DSCAM: variants seen among roughly 807,000 people sequenced by gnomAD.
The protein encoded by DSCAM is cell adhesion molecule DSCAM.
In DSCAM, 47 loss-of-function variants were observed where a neutral mutation model predicts 217.7. The observed-to-expected ratio is 0.22, with a 90% CI of 0.17 to 0.28. The LOEUF (loss-of-function observed/expected upper bound fraction) is 0.28, where lower values mean the gene tolerates loss of function less well. Among genes scored for constraint, DSCAM ranks in the 10% least tolerant of loss-of-function variants. The probability of loss-of-function intolerance (pLI) is 1.00; values close to 1 mark genes in which losing one functional copy is unlikely to be tolerated. For missense variants in DSCAM, 2,080 were observed against 2,618.3 expected (o/e 0.79, Z 4.49); for synonymous variants, 1,056 against 1,015.3 (o/e 1.04, Z -0.76).
intron 11 of DSCAM, among the ~76,000 whole-genome samples, chr21:40,273,238 T>A (rs1324357685): frequency 6.6e-6 from 1 of 152,242 alleles, no homozygotes; most frequent in Non-Finnish European, 1.5e-5. Context: ...TGTTACCCTG[T>A]TTAATTTTCA....
intron 3 of DSCAM, among the ~76,000 whole-genome samples, chr21:40,648,099 G>A (rs75849032): frequency 0.38 from 57,834 of 151,842 alleles, 11,810 homozygotes; most frequent in East Asian, 0.6. Context: ...GCAAAATTTG[G>A]AAAAGTAAAA....
At chr21:40,678,888 C>A (rs1314565124) in intron 3 of DSCAM, among the ~76,000 whole-genome samples, 1 of 152,194 alleles carries the variant, frequency 6.6e-6, no homozygotes, top group Admixed American at 6.5e-5. Context: ...ATGTCAGCCT[C>A]GCCTTGACTT....
At position 40,463,402 on chromosome 21, in the gene DSCAM, G is replaced by A. The variant is rs573019837; in HGVS notation, c.509-94157C>T. ...AAATGCAAGCCTCACTGCTCATACC[G>A]AGACCACCCGGTATTGCACTGAATG... On this transcript the variant is annotated intron_variant, in intron 3 of 32. Transcript: ENST00000400454. 9.9e-5 allele frequency among the ~76,000 whole-genome samples: 15 copies of A among 151,964 alleles called. No individual in the cohort carries two copies. The East Asian group carries it at 2.1e-3, about 22-fold the overall frequency.
At chr21:40,559,984 G>A (rs911359198) in intron 3 of DSCAM, among the ~76,000 whole-genome samples, 8 of 151,916 alleles carry the variant, frequency 5.3e-5, no homozygotes, top group South Asian at 2.1e-4. Flanking sequence ...TAGTAGAGAC[G>A]GGGTTTCACC....
intron 1 of DSCAM, among the ~76,000 whole-genome samples, chr21:40,789,996 G>A (rs1350935359): frequency 2.6e-5 from 4 of 152,020 alleles, no homozygotes; most frequent in Non-Finnish European, 4.4e-5. Flanking sequence ...CCAATTTAGC[G>A]GAAATAGGTC....
chr21:40,458,685 T>A (rs951306890), intron 3 of DSCAM, among the ~76,000 whole-genome samples: 2 of 152,044 alleles, frequency 1.3e-5, no homozygotes, highest in African/African-American at 2.4e-5. Flanking sequence ...AAAGCAAAAA[T>A]AATGAAGATT....
At chr21:40,801,274 T>C (rs2091738314) in intron 1 of DSCAM, among the ~76,000 whole-genome samples, 1 of 152,220 alleles carries the variant, frequency 6.6e-6, no homozygotes, top group Non-Finnish European at 1.5e-5. Context: ...CTTATGCTGA[T>C]ATTTGGGACC....
At position 40,708,693 on chromosome 21, in the gene DSCAM, C is replaced by T. The variant is rs1360887980; in HGVS notation, c.122G>A (p.Gly41Glu). Residue 41 changes from glycine (G) to glutamate (E), a missense_variant, in exon 2 of 33, where the codon GGG becomes GAG. Gly to Glu is a moderately conservative substitution (Grantham distance 98). This residue lies in a region of DSCAM where 568 missense variants were observed against 678.1 expected (regional missense o/e 0.84). Coordinates refer to ENST00000400454, the MANE Select transcript of DSCAM (RefSeq NM_001389.5). The stretch of plus-strand genomic sequence containing the variant: ...TGCTGCGGGGCAGGGCACCAGAGTC[C>T]CCGTGGTGCTGGCAAACACTACCTC... ...LQEVVFASTT[G>E]TLVPCPAAGI... 1.9e-6 allele frequency: 3 copies of T among 1,611,840 alleles called. No individual in the cohort carries two copies. The highest frequency in any genetic ancestry group is 2.5e-6 in the Non-Finnish European group (3 of 1,178,974).
At chr21:40,117,896 C>T (rs1466777146) in intron 20 of DSCAM, among the ~76,000 whole-genome samples, 1 of 151,498 alleles carries the variant, frequency 6.6e-6, no homozygotes, top group Non-Finnish European at 1.5e-5. Context: ...AAACAATAAA[C>T]ATTTTTACCA....
At chr21:40,152,212 T>C (rs763687103) in intron 16 of DSCAM, among the ~76,000 whole-genome samples, 1 of 152,176 alleles carries the variant, frequency 6.6e-6, no homozygotes, top group Non-Finnish European at 1.5e-5. Context: ...AGGGAAAATG[T>C]TGAAATTTAG....
chr21:40,244,657 G>T (rs2073198438), intron 11 of DSCAM, among the ~76,000 whole-genome samples: 1 of 152,118 alleles, frequency 6.6e-6, no homozygotes, highest in Non-Finnish European at 1.5e-5. Flanking sequence ...AGCACCTTCT[G>T]CTTCATGGTC....
chr21:40,693,684 A>C (rs113652140), intron 2 of DSCAM, among the ~76,000 whole-genome samples: 4 of 152,098 alleles, frequency 2.6e-5, no homozygotes, highest in Non-Finnish European at 5.9e-5. Flanking sequence ...ATAATTTTTC[A>C]TTAGTAAATT....
chr21:40,157,726 G>A lies in DSCAM; in HGVS notation c.3018+9492C>T, dbSNP rs568932048. 8.3e-3 allele frequency among the ~76,000 whole-genome samples: 1,244 copies of A among 149,560 alleles called. 20 individuals are homozygous for A. The highest frequency in any genetic ancestry group is 0.029 in the African/African-American group (1,175 of 40,304). The stretch of plus-strand genomic sequence containing the variant: ...TTTTTTTTTTTCCTGAGACAGTCTC[G>A]CCTTGTCACCCAGGCTGGAGTGCAT... On this transcript the variant is annotated intron_variant, in intron 16 of 32. Coordinates refer to ENST00000400454, the MANE Select transcript of DSCAM (RefSeq NM_001389.5).
intron 3 of DSCAM, among the ~76,000 whole-genome samples, chr21:40,455,829 T>C (rs1470325113): frequency 1.3e-5 from 2 of 151,682 alleles, no homozygotes; most frequent in Admixed American, 6.6e-5. Flanking sequence ...GATTGATGGA[T>C]TGATAGATGA....
intron 1 of DSCAM, among the ~76,000 whole-genome samples, chr21:40,821,393 G>GCGCA (rs375566271): frequency 1.4e-3 from 202 of 146,218 alleles, no homozygotes; most frequent in Admixed American, 3.0e-3. Context: ...ACACACGCGC[G>GCGCA]CACACACACA....
intron 3 of DSCAM, among the ~76,000 whole-genome samples, chr21:40,616,538 G>A (rs2089396569): frequency 6.6e-6 from 1 of 152,140 alleles, no homozygotes; most frequent in African/African-American, 2.4e-5. Context: ...TTCATTGCTG[G>A]AGGAGTGAGT....
At chr21:40,640,489 C>T (rs541819515) in intron 3 of DSCAM, among the ~76,000 whole-genome samples, 2 of 152,302 alleles carry the variant, frequency 1.3e-5, no homozygotes, top group South Asian at 4.2e-4. Flanking sequence ...CATTTGTGTG[C>T]AACTGCATTA....
intron 3 of DSCAM, among the ~76,000 whole-genome samples, chr21:40,509,707 G>A (rs1174780928): frequency 6.6e-6 from 1 of 152,038 alleles, no homozygotes; most frequent in East Asian, 1.9e-4. Context: ...TAAAAAACAG[G>A]AACGAGGCCC....
intron 3 of DSCAM, among the ~76,000 whole-genome samples, chr21:40,540,754 C>G (rs77746453): frequency 0.013 from 1,924 of 152,232 alleles, 44 homozygotes; most frequent in African/African-American, 0.044. Flanking sequence ...CTGTGCAACC[C>G]TGATCCCTCT....
Sources: gnomAD v4.1 joint callset for allele counts (sites outside exome capture counted in the v4.1 genomes callset) on GRCh38, gnomAD v4.1.1 for gene constraint, gnomAD v4.1.1 regional missense constraint, MANE v1.5 for transcripts, NCBI Gene and HGNC (gene_info 2026-07-23, HGNC 2026-07-21) for gene names.